Variants in HIPK4 observed in about 807,000 individuals in gnomAD.
HIPK4 encodes the protein homeodomain interacting protein kinase 4.
HIPK4 carries 26 observed loss-of-function variants against 44.8 expected under a neutral mutation model. The observed-to-expected ratio is 0.58, with a 90% CI of 0.43 to 0.80. The LOEUF (loss-of-function observed/expected upper bound fraction) is 0.80, where lower values mean the gene tolerates loss of function less well. HIPK4 is among the 30% of genes least tolerant of loss of function. HIPK4 has a pLI of 0.00. For missense variants in HIPK4, 729 were observed against 862.6 expected, an observed-to-expected ratio of 0.85 and a Z score of 1.94; for synonymous variants, 340 against 355.5, an observed-to-expected ratio of 0.96 and a Z score of 0.49.
At chr19:40,385,154 G>A (rs1053003888) in intron 1 of HIPK4, among the ~76,000 whole-genome samples, 4 of 152,090 alleles carry the variant, frequency 2.6e-5, no homozygotes, top group Admixed American at 6.5e-5. Flanking sequence ...AGACCAACGC[G>A]GGGGTCTCCT....
Position 40,380,619 on chromosome 19 carries a change from T to C in HIPK4, c.1372A>G (p.Lys458Glu). ...ACATGGTGGCCAGTGATGGCTGCCT[T>C]GAGGGGGACCATCATGTCGGAGACC... The part of the protein sequence containing the change: ...NAVSDMMVPL[K>E]AAITGHHVPD... Residue 458 changes from lysine (K) to glutamate (E), a missense_variant, in exon 3 of 4, where the codon AAG becomes GAG. Coordinates refer to ENST00000291823, the MANE Select transcript of HIPK4 (RefSeq NM_144685.5). The surrounding 1 kb of genome is among the most constrained non-coding windows in gnomAD (Gnocchi z 4.2). 6.2e-7 allele frequency: 1 copy of C among 1,613,622 alleles called. No individual in the cohort carries two copies. Among genetic ancestry groups the C allele is most frequent in the Non-Finnish European group, 8.5e-7 (1 of 1,179,948 alleles).
At position 40,384,150 on chromosome 19, in the gene HIPK4, T is replaced by G. The variant is rs1599643869; in HGVS notation, c.466-11A>C. The stretch of plus-strand genomic sequence containing the variant: ...TCCGAAGTCAATCACCTGTCGGGGG[T>G]GGGGAAGAGGGCGAGTGGGCAGGTC... On this transcript the variant is annotated splice_polypyrimidine_tract_variant and intron_variant, in intron 1 of 3. Coordinates refer to ENST00000291823, the MANE Select transcript of HIPK4 (RefSeq NM_144685.5). 6.4e-7 allele frequency: 1 copy of G among 1,558,416 alleles called. No homozygotes were observed.
In HIPK4 at chr19:40,380,944, C is replaced by T. The variant is rs779503136; in HGVS notation, c.1047G>A (p.Met349Ile). ...TCTCGTGGGCACTGCGCAGCTGCTG[C>T]ATGGACACGAAGGGGTGGCGCAGGG... is the stretch of plus-strand genomic sequence containing the variant. ...SAALRHPFVS[M>I]QQLRSAHETT... Residue 349 changes from methionine to isoleucine, a missense_variant, in exon 3 of 4, where the codon ATG (methionine) becomes ATA (isoleucine). Met to Ile is a conservative substitution (Grantham distance 10, BLOSUM62 1). Transcript: ENST00000291823. This position sits in a 1 kb window ranked among gnomAD's most constrained non-coding sequence, Gnocchi z 4.2. The T allele has an allele frequency of 3.2e-5, 51 of 1,610,972 alleles. No individual in the cohort carries two copies. Among genetic ancestry groups the T allele is most frequent in the Non-Finnish European group, 3.9e-5 (46 of 1,178,408 alleles).
rs150667354 is a variant in HIPK4 at position 40,389,399 on chromosome 19, G to A, written c.465+39C>T. ...TGGAAGAAGCTGGGAAAAAGACAAG[G>A]AACTAGGGACGCAGCCACCCTAGAC... On this transcript the variant is annotated intron_variant, in intron 1 of 3. Transcript: ENST00000291823. This position sits in a 1 kb window ranked among gnomAD's most constrained non-coding sequence, Gnocchi z 4.6. The A allele has an allele frequency of 8.1e-3, 10,184 of 1,251,648 alleles. 65 individuals are homozygous for A. The highest frequency in any genetic ancestry group is 0.01 in the Non-Finnish European group (9,244 of 918,000). 77.5% of individuals were successfully genotyped at this position (1,251,648 alleles called of 1,614,324 possible).
Position 40,383,948 on chromosome 19 carries a change from G to T in HIPK4, c.657C>A (p.Asn219Lys), listed in dbSNP as rs150436293. 6.2e-7 allele frequency: 1 copy of T among 1,614,030 alleles called. No homozygotes were observed. Among genetic ancestry groups the T allele is most frequent in the Non-Finnish European group, 8.5e-7 (1 of 1,180,038 alleles). ...HLGWPLYPGN[N>K]EYDQVRYICE... Reference sequence around the variant, plus strand: ...AGATGTAGCGCACCTGGTCGTACTCGTTGTTGCCGGGGTAGAGAGGCCAGC... The same window carrying T: ...AGATGTAGCGCACCTGGTCGTACTCTTTGTTGCCGGGGTAGAGAGGCCAGC... Residue 219 changes from asparagine (N) to lysine (K), a missense_variant, in exon 2 of 4, where the codon AAC becomes AAA. Asn to Lys is a moderately conservative substitution (Grantham distance 94, BLOSUM62 0). This residue lies in a region of HIPK4 where 533 missense variants were observed against 567.5 expected (regional missense o/e 0.94). Transcript: ENST00000291823.
chr19:40,389,977 G>C lies in HIPK4; in HGVS notation c.-75C>G. 5 of 1,180,998 alleles carry C rather than the reference G, an allele frequency of 4.2e-6. No individual in the cohort carries two copies. Among genetic ancestry groups the C allele is most frequent in the Non-Finnish European group, 6.0e-6 (5 of 836,002 alleles). The allele number at this position is 1,180,998 out of a possible 1,614,324, so 73.2% of individuals were successfully genotyped here. On this transcript the variant is annotated 5_prime_UTR_variant, in exon 1 of 4. Transcript: ENST00000291823. This position sits in a 1 kb window ranked among gnomAD's most constrained non-coding sequence, Gnocchi z 4.6. ...CTCTGCCGCCCAGGCCTCCCGCCTG[G>C]CTGCTGACACAGCAGGCCCCCCAGT...
At chr19:40,384,536 C>T (rs535207023) in intron 1 of HIPK4, among the ~76,000 whole-genome samples, 1 of 151,658 alleles carries the variant, frequency 6.6e-6, no homozygotes, top group Non-Finnish European at 1.5e-5. Context: ...AACTCCTGAC[C>T]TCATGTGACC....
At chr19:40,382,207 A>G (rs1039657831) in intron 2 of HIPK4, among the ~76,000 whole-genome samples, 1 of 151,766 alleles carries the variant, frequency 6.6e-6, no homozygotes, top group Non-Finnish European at 1.5e-5. Flanking sequence ...GGTTCAAGTG[A>G]TCTTCCCACC....
At position 40,380,569 on chromosome 19, in the gene HIPK4, G is replaced by A. The variant is rs1278917596; in HGVS notation, c.1422C>T (p.Ile474=). The A allele has an allele frequency of 5.6e-6, 9 of 1,612,500 alleles. No homozygotes were observed. The highest frequency in any genetic ancestry group is 6.8e-6 in the Non-Finnish European group (8 of 1,179,844). Residue 474 remains isoleucine, a synonymous_variant, in exon 3 of 4, where the codon ATC becomes ATT. Transcript: ENST00000291823. This position sits in a 1 kb window ranked among gnomAD's most constrained non-coding sequence, Gnocchi z 4.2. ...CCAGGCGGCTGCTGTAGAAGGCCAG[G>A]ATGGGCTCAGGGCCCGAGTCGGGCA... ...HHVPDSGPEP[I]LAFYSSRLAG...
At chr19:40,388,394 G>A (rs2079372925) in intron 1 of HIPK4, among the ~76,000 whole-genome samples, 1 of 152,176 alleles carries the variant, frequency 6.6e-6, no homozygotes, top group African/African-American at 2.4e-5. Flanking sequence ...GAGTGCCAGG[G>A]CTTCAGTACC....
intron 2 of HIPK4, among the ~76,000 whole-genome samples, chr19:40,381,544 C>G (rs565998230): frequency 5.9e-5 from 9 of 152,296 alleles, no homozygotes; most frequent in African/African-American, 1.9e-4. Context: ...AAACCCAGAC[C>G]CTTCTTGCTA....
At chr19:40,383,572 C>T (rs968519406) in intron 2 of HIPK4, among the ~76,000 whole-genome samples, 5 of 152,044 alleles carry the variant, frequency 3.3e-5, no homozygotes, top group African/African-American at 9.7e-5. Flanking sequence ...CCCATACCAC[C>T]GTGCCCAGCT....
chr19:40,380,966 A>C lies in HIPK4; in HGVS notation c.1025T>G (p.Leu342Arg). 1 of 1,612,698 alleles carries C rather than the reference A, an allele frequency of 6.2e-7. No individual in the cohort carries two copies. Among genetic ancestry groups the C allele is most frequent in the Non-Finnish European group, 8.5e-7 (1 of 1,179,764 alleles). ...SHERISPSAA[L>R]RHPFVSMQQL... The stretch of plus-strand genomic sequence containing the variant: ...CTGCATGGACACGAAGGGGTGGCGC[A>C]GGGCAGCACTGGGGCTGATGCGTTC... The change falls in exon 3 of 4, where the codon CTG (leucine) becomes CGG (arginine). Residue 342 changes from leucine (L) to arginine (R), a missense_variant. By Grantham distance (102) the Leu-to-Arg change is moderately radical. Coordinates refer to ENST00000291823, the MANE Select transcript of HIPK4 (RefSeq NM_144685.5). This position sits in a 1 kb window ranked among gnomAD's most constrained non-coding sequence, Gnocchi z 4.2.
chr19:40,382,562 C>T (rs1435044308), intron 2 of HIPK4, among the ~76,000 whole-genome samples: 1 of 152,080 alleles, frequency 6.6e-6, no homozygotes, highest in Non-Finnish European at 1.5e-5. Flanking sequence ...TAGAGCAGCC[C>T]CCACATCTGA....
intron 2 of HIPK4, among the ~76,000 whole-genome samples, chr19:40,382,425 G>C (rs1267352510): frequency 2.6e-5 from 4 of 152,122 alleles, no homozygotes; most frequent in Non-Finnish European, 5.9e-5. Context: ...GCCAATCTCA[G>C]ACCTCATATA....
chr19:40,381,603 C>T (rs1336827157), intron 2 of HIPK4, among the ~76,000 whole-genome samples: 1 of 152,026 alleles, frequency 6.6e-6, no homozygotes, highest in Non-Finnish European at 1.5e-5. Context: ...CTTTTAGTCT[C>T]ACCTGTGGTC....
intron 1 of HIPK4, among the ~76,000 whole-genome samples, chr19:40,385,361 C>T (rs2079358009): frequency 6.6e-6 from 1 of 152,182 alleles, no homozygotes; most frequent in Non-Finnish European, 1.5e-5. Flanking sequence ...CTCCCACTCT[C>T]CCCATCACTC....
intron 1 of HIPK4, among the ~76,000 whole-genome samples, chr19:40,387,502 G>C (rs920355529): frequency 5.9e-5 from 9 of 151,964 alleles, no homozygotes; most frequent in Non-Finnish European, 1.0e-4. Flanking sequence ...TTTTCAGGTG[G>C]CTTCACTCTT....
At chr19:40,382,811 G>T (rs1019362655) in intron 2 of HIPK4, among the ~76,000 whole-genome samples, 1 of 151,718 alleles carries the variant, frequency 6.6e-6, no homozygotes. Context: ...GCTTTGGGAG[G>T]TCGAGGTGGG....
Sources: gnomAD v4.1 joint callset for allele counts (sites outside exome capture counted in the v4.1 genomes callset) on GRCh38, gnomAD v4.1.1 for gene constraint, gnomAD v4.1.1 regional missense constraint, Gnocchi (gnomAD v3.1) non-coding constraint, MANE v1.5 for transcripts, NCBI Gene and HGNC (gene_info 2026-07-23, HGNC 2026-07-21) for gene names.